TCF12: variants seen among roughly 807,000 people sequenced by gnomAD.
The protein encoded by TCF12 is DNA-binding protein HTF4.
TCF12 carries 45 observed loss-of-function variants against 86.0 expected under a neutral mutation model. The observed-to-expected ratio is 0.52, with a 90% CI of 0.41 to 0.67. TCF12 has a LOEUF of 0.67. TCF12 is among the 30% of genes least tolerant of loss of function. The probability of loss-of-function intolerance (pLI) is 0.00; values close to 1 mark genes in which losing one functional copy is unlikely to be tolerated. For missense variants in TCF12, 881 were observed against 859.9 expected (o/e 1.02, Z -0.31); for synonymous variants, 330 against 299.6 (o/e 1.10, Z -1.05).
chr15:57,175,376 A>G (rs149501271), intron 6 of TCF12, among the ~76,000 whole-genome samples: 2 of 152,182 alleles, frequency 1.3e-5, no homozygotes, highest in East Asian at 3.9e-4. Context: ...AAGAATTCCT[A>G]CAACTCTGTA....
intron 3 of TCF12, among the ~76,000 whole-genome samples, chr15:56,959,777 A>G (rs1362127242): frequency 6.6e-6 from 1 of 152,164 alleles, no homozygotes; most frequent in Admixed American, 6.5e-5. Flanking sequence ...TTTGTTATTT[A>G]CAAATAAAAA....
chr15:57,170,719 A>AT (rs1567559076), intron 6 of TCF12, among the ~76,000 whole-genome samples: 4 of 2,388 alleles, frequency 1.7e-3, no homozygotes, highest in Non-Finnish European at 3.2e-3. Context: ...TATAATATAT[A>AT]TATTATATAT....
At chr15:57,207,837 T>C (rs1048509094) in intron 8 of TCF12, among the ~76,000 whole-genome samples, 11 of 152,138 alleles carry the variant, frequency 7.2e-5, no homozygotes, top group Non-Finnish European at 1.6e-4. Flanking sequence ...ATTTCAAAAA[T>C]CAGTAACTTA....
intron 5 of TCF12, among the ~76,000 whole-genome samples, chr15:57,092,799 T>G (rs1322801156): frequency 1.3e-5 from 2 of 152,122 alleles, no homozygotes; most frequent in Non-Finnish European, 2.9e-5. Context: ...TGACATTGAT[T>G]TCATTACTTA....
intron 3 of TCF12, among the ~76,000 whole-genome samples, chr15:56,955,884 C>T (rs1373960363): frequency 6.6e-6 from 1 of 152,058 alleles, no homozygotes; most frequent in Non-Finnish European, 1.5e-5. Flanking sequence ...GCAGTTTCAT[C>T]AGTTTGTCTT....
chr15:57,110,898 G>A (rs1281197350), intron 5 of TCF12, among the ~76,000 whole-genome samples: 6 of 152,146 alleles, frequency 3.9e-5, no homozygotes, highest in African/African-American at 1.2e-4. Flanking sequence ...CAAAAAGGGG[G>A]GAAAATTTGA....
chr15:57,022,544 T>C (rs1202313075), intron 3 of TCF12, among the ~76,000 whole-genome samples: 3 of 152,222 alleles, frequency 2.0e-5, no homozygotes, highest in African/African-American at 4.8e-5. Flanking sequence ...CATGTGTCTT[T>C]ATAGCAGCAT....
Position 57,022,056 on chromosome 15 carries a change from A to G in TCF12, c.149-41694A>G, listed in dbSNP as rs568852483. Among the ~76,000 whole-genome samples, 147 of 150,468 alleles carry G rather than the reference A, an allele frequency of 9.8e-4. 1 individual carries two copies. The highest frequency in any genetic ancestry group is 7.0e-4 in the Non-Finnish European group (47 of 67,322). On this transcript the variant is annotated intron_variant, in intron 3 of 20. Transcript: ENST00000333725. ...GTCAGGCAGATCTTTTCTTTTTTTT[A>G]TGTATGTATGTATGTATGTATGTAT...
chr15:57,011,797 G>A (rs2064848043), intron 3 of TCF12, among the ~76,000 whole-genome samples: 1 of 152,148 alleles, frequency 6.6e-6, no homozygotes, highest in Non-Finnish European at 1.5e-5. Flanking sequence ...TTCAGTTCAG[G>A]TGATTACAGA....
At chr15:57,056,330 TG>T (rs1308957458) in intron 3 of TCF12, among the ~76,000 whole-genome samples, 1 of 152,078 alleles carries the variant, frequency 6.6e-6, no homozygotes, top group Non-Finnish European at 1.5e-5. Flanking sequence ...TCAGTCGAGA[TG>T]GGGTGTCAGC....
At chr15:57,268,543 A>G (rs538145458) in intron 18 of TCF12, among the ~76,000 whole-genome samples, 1 of 152,268 alleles carries the variant, frequency 6.6e-6, no homozygotes, top group East Asian at 1.9e-4. Context: ...ACGAGCCACC[A>G]TGCCTGGCCT....
intron 3 of TCF12, among the ~76,000 whole-genome samples, chr15:57,014,901 A>G (rs1016640909): frequency 1.0e-4 from 15 of 146,646 alleles, no homozygotes; most frequent in African/African-American, 3.4e-4. Flanking sequence ...TATTGTTATT[A>G]TTATTATTAT....
intron 3 of TCF12, among the ~76,000 whole-genome samples, chr15:56,954,036 T>C (rs886827421): frequency 2.0e-5 from 3 of 152,122 alleles, no homozygotes; most frequent in Non-Finnish European, 2.9e-5. Flanking sequence ...TTTTTTCTAA[T>C]ATAGGCCTTT....
At chr15:57,254,085 T>G (rs777111556) in intron 16 of TCF12, among the ~76,000 whole-genome samples, 2 of 152,206 alleles carry the variant, frequency 1.3e-5, no homozygotes, top group Non-Finnish European at 2.9e-5. Context: ...CATTATTTTT[T>G]ATCCAAATTA....
At chr15:57,262,245 A>G in intron 17 of TCF12, 37 bp downstream of exon 17, 1 of 1,402,464 alleles carries the variant, frequency 7.1e-7, no homozygotes, top group South Asian at 1.2e-5. Context: ...TAATGCAGAC[A>G]GAGATATCAT....
At chr15:57,036,091 T>C (rs1452180209) in intron 3 of TCF12, among the ~76,000 whole-genome samples, 3 of 140,994 alleles carry the variant, frequency 2.1e-5, no homozygotes, top group South Asian at 5.0e-4. Flanking sequence ...TGGAGACTGC[T>C]GCCTTGACTG....
intron 3 of TCF12, among the ~76,000 whole-genome samples, chr15:57,051,939 A>G (rs1430967095): frequency 1.3e-5 from 2 of 152,222 alleles, no homozygotes; most frequent in African/African-American, 4.8e-5. Flanking sequence ...GCAGTTGACC[A>G]TACACACATG....
chr15:56,989,760 GTGAACT>G, intron 3 of TCF12, among the ~76,000 whole-genome samples: 2 of 152,314 alleles, frequency 1.3e-5, no homozygotes, highest in Middle Eastern at 6.8e-3. Flanking sequence ...GACCTTTAAA[GTGAACT>G]TGATGCACCC....
chr15:56,999,761 C>T (rs971829232), intron 3 of TCF12, among the ~76,000 whole-genome samples: 1 of 152,012 alleles, frequency 6.6e-6, no homozygotes, highest in African/African-American at 2.4e-5. Flanking sequence ...GTAGTCCCAG[C>T]GCCTCAGGAG....
Sources: allele counts gnomAD v4.1 joint callset (sites outside exome capture counted in the v4.1 genomes callset), GRCh38; gene constraint gnomAD v4.1.1; transcripts MANE v1.5; gene names NCBI Gene and HGNC (gene_info 2026-07-23, HGNC 2026-07-21).